The following HHLA2 variants were observed in gnomAD, a reference collection of about 807,000 sequenced individuals.
HHLA2 encodes HHLA2 member of B7 family, also known as HERV-H LTR-associating protein 2.
HHLA2 carries 48 observed loss-of-function variants against 45.9 expected under a neutral mutation model. The ratio of observed to expected loss-of-function variants is 1.05; its 90% CI spans 0.83 to 1.33. The LOEUF is 1.33. HHLA2 is among the 40% of genes most tolerant of loss of function. HHLA2 has a pLI of 0.00. For synonymous variants in HHLA2, 161 were observed against 173.9 expected (o/e 0.93, Z 0.59); for missense variants, 462 against 494.3 (o/e 0.93, Z 0.62).
At chr3:108,327,554 G>C (rs1408362206) in intron 2 of HHLA2, among the ~76,000 whole-genome samples, 1 of 152,036 alleles carries the variant, frequency 6.6e-6, no homozygotes. Flanking sequence ...CCAGGGTACT[G>C]GTTCTCTTTA....
At chr3:108,349,189 T>A (rs1576153522) in intron 3 of HHLA2, among the ~76,000 whole-genome samples, 2 of 130,018 alleles carry the variant, frequency 1.5e-5, no homozygotes, top group Admixed American at 8.2e-5. Context: ...AAAAAATCAA[T>A]GAATCCAAGA....
intron 1 of HHLA2, among the ~76,000 whole-genome samples, chr3:108,304,449 AGTCTCTGCCACC>A (rs1474338161): frequency 1.3e-5 from 2 of 152,268 alleles, no homozygotes; most frequent in East Asian, 3.9e-4. Context: ...ATATAAGTTC[AGTCTCTGCCACC>A]GTCTGTGTCT....
chr3:108,369,829 T>A (rs182002427), intron 8 of HHLA2, among the ~76,000 whole-genome samples: 14 of 152,268 alleles, frequency 9.2e-5, no homozygotes, highest in Non-Finnish European at 1.3e-4. Flanking sequence ...TCGAACTGGG[T>A]GGAGCCCATC....
At chr3:108,360,639 G>A (rs769873259) in intron 7 of HHLA2, among the ~76,000 whole-genome samples, 8 of 152,182 alleles carry the variant, frequency 5.3e-5, no homozygotes, top group African/African-American at 1.2e-4. Context: ...TGGATATGCC[G>A]GACAAAGGGC....
rs776320054 is a variant in HHLA2, at chr3:108,355,256, CAG to C, written c.561_562del (p.Gly188ValfsTer8). 1.9e-6 allele frequency: 3 copies of C among 1,613,828 alleles called. No homozygotes were observed. In the South Asian group the frequency reaches 3.3e-5, roughly 18 times the overall value. On this transcript the variant is annotated frameshift_variant, in exon 6 of 11. Coordinates refer to ENST00000619531, the Ensembl canonical transcript of HHLA2. LOFTEE classifies it high-confidence loss of function. ...ATCTCTGAAAACAACATGGAAGAAACAGGGTCTTTGGATTCTTTTTCTATTAA... is the reference window on the plus strand; with the variant it reads ...ATCTCTGAAAACAACATGGAAGAAACGGTCTTTGGATTCTTTTTCTATTAA...
At chr3:108,376,358 A>G in intron 9 of HHLA2, 135 bp from the exon 9 acceptor site, 1 of 635,450 alleles carries the variant, frequency 1.6e-6, no homozygotes, top group South Asian at 2.1e-5. Context: ...TGCATTTTTC[A>G]TGTTGTTTGT....
In HHLA2 at chr3:108,352,761, G is replaced by A. The variant is rs78045766; in HGVS notation, c.65-666G>A. On this transcript the variant is annotated intron_variant, in intron 4 of 10. Transcript: ENST00000619531. Reference sequence around the variant, plus strand: ...AAAATAAGTAAATCAAGAGAATTGGGGATTAGGCTTCCAGATTTATCTCCA... The same window carrying A: ...AAAATAAGTAAATCAAGAGAATTGGAGATTAGGCTTCCAGATTTATCTCCA... Among the ~76,000 whole-genome samples, 587 of 152,276 alleles carry A rather than the reference G, an allele frequency of 3.9e-3. 4 individuals carry two copies. The highest frequency in any genetic ancestry group is 0.014 in the African/African-American group (565 of 41,534).
intron 3 of HHLA2, 67 bp from the exon 3 acceptor site, chr3:108,351,721 C>T (rs372793681): frequency 1.0e-5 from 9 of 898,544 alleles, no homozygotes; most frequent in African/African-American, 9.9e-5. Context: ...TATGAATGTA[C>T]CACTCTTTTC....
At chr3:108,318,168 G>A (rs2081135903) in intron 2 of HHLA2, among the ~76,000 whole-genome samples, 1 of 145,360 alleles carries the variant, frequency 6.9e-6, no homozygotes, top group Admixed American at 6.9e-5. Context: ...GTGACAGAGT[G>A]AGACTCCATC....
At chr3:108,371,873 A>C (rs1046098327) in intron 8 of HHLA2, among the ~76,000 whole-genome samples, 7 of 152,178 alleles carry the variant, frequency 4.6e-5, no homozygotes, top group African/African-American at 9.7e-5. Context: ...ACACAATAAT[A>C]ATGGGAGACT....
At chr3:108,376,913 A>G in intron 10 of HHLA2, 2 of 335,298 alleles carry the variant, frequency 6.0e-6, no homozygotes, top group Non-Finnish European at 5.5e-6. Flanking sequence ...CACAACTATA[A>G]TTCACTTGCA....
intron 4 of HHLA2, among the ~76,000 whole-genome samples, chr3:108,353,113 A>G (rs2081809616): frequency 6.6e-6 from 1 of 152,228 alleles, no homozygotes; most frequent in Non-Finnish European, 1.5e-5. Context: ...CTTTTAACAT[A>G]CATGATTTCC....
intron 5 of HHLA2, among the ~76,000 whole-genome samples, 197 bp from the exon 5 acceptor site, chr3:108,354,918 T>G (rs2081856638): frequency 6.6e-6 from 1 of 152,220 alleles, no homozygotes; most frequent in Non-Finnish European, 1.5e-5. Context: ...TTTTATTTCT[T>G]CTAGATAACC....
intron 9 of HHLA2, 123 bp from the exon 9 acceptor site, chr3:108,376,370 A>C (rs1022520175): frequency 2.9e-6 from 2 of 684,516 alleles, no homozygotes; most frequent in Non-Finnish European, 4.7e-6. Context: ...GTTGTTTGTT[A>C]AAGATATGCA....
chr3:108,309,492 A>G (rs1292730136), intron 1 of HHLA2, among the ~76,000 whole-genome samples: 1 of 152,060 alleles, frequency 6.6e-6, no homozygotes, highest in Admixed American at 6.6e-5. Flanking sequence ...GGTAGCAGTT[A>G]GGTCTTCTTA....
intron 7 of HHLA2, among the ~76,000 whole-genome samples, chr3:108,361,728 C>T (rs372397403): frequency 1.6e-4 from 25 of 151,932 alleles, no homozygotes; most frequent in African/African-American, 5.3e-4. Context: ...AGGGATAAGG[C>T]GGGGGACTAC....
chr3:108,315,445 A>T (rs2081086098), intron 2 of HHLA2, among the ~76,000 whole-genome samples: 1 of 152,244 alleles, frequency 6.6e-6, no homozygotes, highest in Non-Finnish European at 1.5e-5. Context: ...TAAAGGCGTC[A>T]TTAAGCCAAT....
At chr3:108,312,419 G>A (rs1398798581) in intron 2 of HHLA2, among the ~76,000 whole-genome samples, 1 of 152,372 alleles carries the variant, frequency 6.6e-6, no homozygotes, top group Non-Finnish European at 1.5e-5. Context: ...AGTAGGGCCT[G>A]TTGATGTCCT....
intron 3 of HHLA2, among the ~76,000 whole-genome samples, chr3:108,346,553 G>T (rs1440402291): frequency 6.6e-6 from 1 of 152,184 alleles, no homozygotes; most frequent in Non-Finnish European, 1.5e-5. Flanking sequence ...ATAATGATGA[G>T]AGTGATGCAA....
Sources: allele counts gnomAD v4.1 joint callset (sites outside exome capture counted in the v4.1 genomes callset), GRCh38; gene constraint gnomAD v4.1.1; transcripts MANE v1.5; gene names NCBI Gene and HGNC (gene_info 2026-07-23, HGNC 2026-07-21).